The following TMC1 variants were observed in gnomAD, a reference collection of about 807,000 sequenced individuals.
The protein encoded by TMC1 is transmembrane channel like 1.
In TMC1, 84 loss-of-function variants were observed where a neutral mutation model predicts 105.8. The ratio of observed to expected loss-of-function variants is 0.79; its 90% confidence interval spans 0.67 to 0.95. The LOEUF (loss-of-function observed/expected upper bound fraction) is 0.95, where lower values mean the gene tolerates loss of function less well. Ranked by LOEUF, TMC1 falls within the 40% of genes least tolerant of loss-of-function variation. The pLI is 0.00. For synonymous variants in TMC1, 315 were observed against 311.5 expected, an observed-to-expected ratio of 1.01 and a Z score of -0.12; for missense variants, 817 against 914.1, an observed-to-expected ratio of 0.89 and a Z score of 1.37.
rs76321106 is a variant in TMC1 at position 72,773,390 on chromosome 9, A to T, written c.884+835A>T. The stretch of plus-strand genomic sequence containing the variant: ...TGAGGGTCTAAGAGGGGAAAAGTGC[A>T]AAGTCACCCTAAGCAGGAGCTCTCT... On this transcript the variant is annotated intron_variant, in intron 13 of 23. Coordinates refer to ENST00000297784, the MANE Select transcript of TMC1 (RefSeq NM_138691.3). 2.8e-3 allele frequency among the ~76,000 whole-genome samples: 420 copies of T among 152,270 alleles called. 2 individuals are homozygous for T. The highest frequency in any genetic ancestry group is 8.9e-3 in the African/African-American group (372 of 41,566).
intron 12 of TMC1, among the ~76,000 whole-genome samples, chr9:72,765,383 C>G (rs958289222): frequency 1.3e-5 from 2 of 152,030 alleles, no homozygotes; most frequent in African/African-American, 4.8e-5. Flanking sequence ...CATTCATTAC[C>G]CCTATCACAA....
intron 18 of TMC1, among the ~76,000 whole-genome samples, chr9:72,814,492 G>A (rs970102315): frequency 2.6e-5 from 4 of 152,142 alleles, no homozygotes; most frequent in Admixed American, 6.5e-5. Context: ...GCAAACTAAC[G>A]AAACACTTTG....
intron 3 of TMC1, among the ~76,000 whole-genome samples, chr9:72,617,217 A>C (rs1039945002): frequency 1.1e-4 from 16 of 152,046 alleles, no homozygotes; most frequent in Non-Finnish European, 2.2e-4. Flanking sequence ...GCTGGAGTGC[A>C]GGGGTGCTAT....
chr9:72,794,163 A>T (rs758731093), intron 17 of TMC1, among the ~76,000 whole-genome samples: 3 of 152,048 alleles, frequency 2.0e-5, no homozygotes, highest in Non-Finnish European at 4.4e-5. Flanking sequence ...AATTGCAAGG[A>T]GTAATTGCTG....
chr9:72,796,899 AGG>A (rs770122423), intron 17 of TMC1, among the ~76,000 whole-genome samples: 13 of 152,182 alleles, frequency 8.5e-5, no homozygotes, highest in Non-Finnish European at 1.6e-4. Flanking sequence ...AAAGAAATGA[AGG>A]GTATCAAAAT....
chr9:72,742,666 A>C (rs913730109), intron 10 of TMC1, 141 bp downstream of exon 10: 9 of 773,012 alleles, frequency 1.2e-5, no homozygotes, highest in Non-Finnish European at 2.0e-5. Context: ...AATCAACAAA[A>C]ACTTTGTTTA....
intron 4 of TMC1, among the ~76,000 whole-genome samples, chr9:72,628,655 C>T (rs1404230323): frequency 6.6e-6 from 1 of 152,166 alleles, no homozygotes; most frequent in Non-Finnish European, 1.5e-5. Flanking sequence ...CTTCTGCCAT[C>T]AGGGATTGTA....
intron 5 of TMC1, among the ~76,000 whole-genome samples, chr9:72,658,231 TA>T (rs1304578011): frequency 1.3e-5 from 2 of 149,632 alleles, no homozygotes; most frequent in Admixed American, 1.3e-4. Context: ...AGGACCACAG[TA>T]AAAAAAAATT....
At chr9:72,781,829 C>T (rs1051884607) in intron 13 of TMC1, among the ~76,000 whole-genome samples, 1 of 152,096 alleles carries the variant, frequency 6.6e-6, no homozygotes, top group Non-Finnish European at 1.5e-5. Flanking sequence ...AAAAGCCTAT[C>T]AACCAGAAAA....
At chr9:72,560,680 A>G (rs1824029616) in intron 1 of TMC1, among the ~76,000 whole-genome samples, 1 of 151,852 alleles carries the variant, frequency 6.6e-6, no homozygotes, top group Non-Finnish European at 1.5e-5. Flanking sequence ...TTGTATTTTT[A>G]GTAGAGACGG....
intron 1 of TMC1, among the ~76,000 whole-genome samples, chr9:72,535,736 T>C (rs1257747061): frequency 6.6e-6 from 1 of 152,214 alleles, no homozygotes; most frequent in Non-Finnish European, 1.5e-5. Context: ...GGTAAAAGCC[T>C]TAGGCTGCTT....
chr9:72,601,857 C>G (rs1360151119), intron 2 of TMC1, among the ~76,000 whole-genome samples: 1 of 152,082 alleles, frequency 6.6e-6, no homozygotes, highest in African/African-American at 2.4e-5. Context: ...AAAACCAAAA[C>G]CAAAATTCTT....
chr9:72,783,300 C>T (rs927105544), intron 13 of TMC1, among the ~76,000 whole-genome samples: 2 of 152,088 alleles, frequency 1.3e-5, no homozygotes, highest in African/African-American at 4.8e-5. Flanking sequence ...ACAGGGAAAC[C>T]GACAGTGTAG....
intron 21 of TMC1, among the ~76,000 whole-genome samples, chr9:72,828,344 T>C (rs911287172): frequency 2.6e-5 from 4 of 152,160 alleles, no homozygotes; most frequent in African/African-American, 9.7e-5. Context: ...CAGTGGCTTC[T>C]GAGAGCATGT....
chr9:72,630,905 G>C (rs528558622), intron 4 of TMC1, among the ~76,000 whole-genome samples: 125 of 145,948 alleles, frequency 8.6e-4, no homozygotes, highest in African/African-American at 3.1e-3. Flanking sequence ...GTCTCACTCT[G>C]TCACCCAGGC....
intron 14 of TMC1, 111 bp from the exon 15 acceptor site, chr9:72,789,012 C>G (rs1309505067): frequency 9.3e-7 from 1 of 1,076,196 alleles, no homozygotes; most frequent in Non-Finnish European, 1.4e-6. Flanking sequence ...ATTGTCATTC[C>G]TCACATTCTG....
At chr9:72,831,397 G>A (rs560110368) in intron 23 of TMC1, among the ~76,000 whole-genome samples, 1 of 151,858 alleles carries the variant, frequency 6.6e-6, no homozygotes, top group South Asian at 2.1e-4. Context: ...GCAGGGAAAT[G>A]GTATGTATGG....
intron 1 of TMC1, among the ~76,000 whole-genome samples, chr9:72,554,102 A>AT (rs1453701993): frequency 2.6e-5 from 4 of 152,254 alleles, no homozygotes; most frequent in African/African-American, 9.6e-5. Flanking sequence ...AAATCTTGGT[A>AT]TTTTTATAAG....
intron 5 of TMC1, among the ~76,000 whole-genome samples, chr9:72,671,433 A>G (rs1387590296): frequency 6.6e-6 from 1 of 152,214 alleles, no homozygotes; most frequent in Non-Finnish European, 1.5e-5. Context: ...CTAAGGTGTT[A>G]CATTTTGGGG....
Sources: allele counts gnomAD v4.1 joint callset (sites outside exome capture counted in the v4.1 genomes callset), GRCh38; gene constraint gnomAD v4.1.1; transcripts MANE v1.5; gene names NCBI Gene and HGNC (gene_info 2026-07-23, HGNC 2026-07-21).